The following MYRFL variants were observed in gnomAD, a reference collection of about 807,000 sequenced individuals.
The protein encoded by MYRFL is myelin regulatory factor-like protein.
A neutral mutation model predicts 109.4 loss-of-function variants in MYRFL; 88 were observed. The ratio of observed to expected loss-of-function variants is 0.80; its 90% CI spans 0.68 to 0.96. MYRFL has a LOEUF of 0.96. Among genes scored for constraint, MYRFL ranks in the 40% least tolerant of loss-of-function variants. The pLI is 0.00. For synonymous variants in MYRFL, 324 were observed against 320.9 expected (o/e 1.01, Z -0.10); for missense variants, 957 against 954.9 (o/e 1.00, Z -0.03).
intron 2 of MYRFL, among the ~76,000 whole-genome samples, chr12:69,861,086 T>C (rs1452955900): frequency 2.0e-5 from 3 of 150,560 alleles, no homozygotes; most frequent in African/African-American, 7.3e-5. Flanking sequence ...CTCATCATTT[T>C]TTATGGCTGC....
intron 2 of MYRFL, among the ~76,000 whole-genome samples, chr12:69,869,988 T>C (rs1021261742): frequency 1.3e-5 from 2 of 152,040 alleles, no homozygotes; most frequent in Non-Finnish European, 2.9e-5. Context: ...AGATTGTTTC[T>C]CCGTTCATCC....
At chr12:69,909,242 A>G (rs779612167) in intron 11 of MYRFL, among the ~76,000 whole-genome samples, 5 of 152,250 alleles carry the variant, frequency 3.3e-5, no homozygotes, top group Admixed American at 1.3e-4. Context: ...CCAAGCTACC[A>G]TCTTTCACAA....
chr12:69,894,909 T>A (rs1397968539), intron 8 of MYRFL, among the ~76,000 whole-genome samples: 1 of 152,186 alleles, frequency 6.6e-6, no homozygotes, highest in Non-Finnish European at 1.5e-5. Context: ...GGGCAGGGTG[T>A]TTGTGGCCTT....
At chr12:69,944,063 G>A (rs1456231273) in intron 19 of MYRFL, among the ~76,000 whole-genome samples, 1 of 150,548 alleles carries the variant, frequency 6.6e-6, no homozygotes, top group Admixed American at 6.6e-5. Context: ...TGGAGAAATA[G>A]GAACACTTTT....
Position 69,958,535 on chromosome 12 carries a change from G to A in MYRFL, c.*4G>A. 6.5e-7 allele frequency: 1 copy of A among 1,527,222 alleles called. No homozygotes were observed. The highest frequency in any genetic ancestry group is 1.2e-5 in the South Asian group (1 of 81,516). 94.6% of individuals were successfully genotyped at this position (1,527,222 alleles called of 1,614,324 possible). On this transcript the variant is annotated 3_prime_UTR_variant, in exon 25 of 25. Transcript: ENST00000552032. ...CTTCTATCGACGCTGTGCCTAATTT[G>A]TTCAAGTTTGGGGACTTTACCAAAG...
chr12:69,852,579 A>ATTTTTTTTTTTTTTTTTTTTTTTAT (rs61145700), intron 1 of MYRFL, among the ~76,000 whole-genome samples: 1 of 112,212 alleles, frequency 8.9e-6, no homozygotes, highest in Admixed American at 9.8e-5. Flanking sequence ...TTAATTTTTA[A>ATTTTTTTTTTTTTTTTTTTTTTTAT]TTTTTTTTTT....
chr12:69,944,951 A>G (rs1229806162), intron 19 of MYRFL, among the ~76,000 whole-genome samples: 2 of 152,168 alleles, frequency 1.3e-5, no homozygotes, highest in South Asian at 2.1e-4. Context: ...TTAAATTACC[A>G]TGATGTACAT....
At chr12:69,890,112 C>G (rs1592762815) in intron 6 of MYRFL, among the ~76,000 whole-genome samples, 1 of 152,104 alleles carries the variant, frequency 6.6e-6, no homozygotes, top group Non-Finnish European at 1.5e-5. Flanking sequence ...GGTTTCCAAT[C>G]GATTGTATAA....
In MYRFL at chr12:69,936,158, A is replaced by G; in HGVS notation, c.1962A>G (p.Gln654=). ...VALYILSLKD[Q]DRRVPNLPPS... is the part of the protein sequence containing the mutation. The stretch of plus-strand genomic sequence containing the variant: ...TCTATATACTTAGCTTAAAAGATCA[A>G]GACCGACGTGTCCCAAATCTCCCTC... Residue 654 remains glutamine, a synonymous_variant, in exon 17 of 25, where the codon CAA becomes CAG. Transcript: ENST00000552032. 1.3e-6 allele frequency: 2 copies of G among 1,531,032 alleles called. No individual in the cohort carries two copies. Among genetic ancestry groups the G allele is most frequent in the Admixed American group, 2.0e-5 (1 of 50,346 alleles). The allele number at this position is 1,531,032 out of a possible 1,614,324, so 94.8% of individuals were successfully genotyped here. A position where few individuals can be genotyped will look rare whatever the true frequency, so the allele number is the denominator to read the frequency against.
chr12:69,937,763 C>T (rs1347706864), intron 19 of MYRFL, among the ~76,000 whole-genome samples: 2 of 152,158 alleles, frequency 1.3e-5, no homozygotes, highest in Non-Finnish European at 2.9e-5. Context: ...AGAATATGGT[C>T]AGTGGTTGAA....
intron 13 of MYRFL, among the ~76,000 whole-genome samples, chr12:69,915,340 C>A (rs372301622): frequency 6.6e-6 from 1 of 152,162 alleles, no homozygotes; most frequent in African/African-American, 2.4e-5. Context: ...CCATTCTTCA[C>A]TCCATTTCTG....
In MYRFL at chr12:69,880,951, G is replaced by GTTTTTTTTTTTTTTTT. The variant is rs71094746; in HGVS notation, c.556+662_556+677dup. On this transcript the variant is annotated intron_variant, in intron 5 of 24. Transcript: ENST00000552032. Reference sequence around the variant, plus strand: ...TAATGTCCAAGCGGTCAGCCTTCCTGTTTTTTTTTTTTTTTTTTGTCTTAT... The same window carrying GTTTTTTTTTTTTTTTT: ...TAATGTCCAAGCGGTCAGCCTTCCTGTTTTTTTTTTTTTTTTTTTTTTTTTTTTTTTTTTGTCTTAT... 2.1e-3 allele frequency among the ~76,000 whole-genome samples: 238 copies of GTTTTTTTTTTTTTTTT among 112,634 alleles called. 13 individuals carry two copies. The highest frequency in any genetic ancestry group is 3.2e-3 in the Non-Finnish European group (181 of 55,770). 73.9% of individuals were successfully genotyped at this position (112,634 alleles called of 152,430 possible).
chr12:69,935,291 G>A (rs1259408322), intron 16 of MYRFL, among the ~76,000 whole-genome samples: 1 of 152,098 alleles, frequency 6.6e-6, no homozygotes, highest in African/African-American at 2.4e-5. Flanking sequence ...AGTCAAACTG[G>A]CAAGAAGTCA....
chr12:69,878,724 G>T (rs1885848881), intron 2 of MYRFL, among the ~76,000 whole-genome samples: 1 of 152,128 alleles, frequency 6.6e-6, no homozygotes, highest in African/African-American at 2.4e-5. Context: ...ATGCTGTGAG[G>T]TAGATGTAAT....
At chr12:69,852,835 T>C (rs1463928505) in intron 1 of MYRFL, among the ~76,000 whole-genome samples, 1 of 152,024 alleles carries the variant, frequency 6.6e-6, no homozygotes, top group Non-Finnish European at 1.5e-5. Context: ...AAAGCACATC[T>C]TGCACCGCCC....
chr12:69,863,891 A>G (rs904186918), intron 2 of MYRFL, among the ~76,000 whole-genome samples: 1 of 152,128 alleles, frequency 6.6e-6, no homozygotes, highest in Admixed American at 6.5e-5. Context: ...TTTCAACTTC[A>G]TTTTTAAAAG....
chr12:69,928,879 A>G (rs1009018586), intron 15 of MYRFL, among the ~76,000 whole-genome samples: 1 of 152,234 alleles, frequency 6.6e-6, no homozygotes, highest in Non-Finnish European at 1.5e-5. Flanking sequence ...AGGGAATGGT[A>G]TCCACATCTA....
intron 13 of MYRFL, among the ~76,000 whole-genome samples, chr12:69,915,587 C>A (rs536870519): frequency 6.6e-6 from 1 of 152,184 alleles, no homozygotes; most frequent in Non-Finnish European, 1.5e-5. Context: ...TTTTCTTTCT[C>A]CCTTCTCAGG....
chr12:69,880,286 A>C lies in MYRFL; in HGVS notation c.550A>C (p.Arg184=), dbSNP rs17813773. Residue 184 remains arginine, a synonymous_variant, in exon 5 of 25, where the codon AGA becomes CGA. Coordinates refer to ENST00000552032, the MANE Select transcript of MYRFL (RefSeq NM_182530.3). The part of the protein sequence containing the change: ...GECRVWACHC[R]PMTSRSRSSE... The stretch of plus-strand genomic sequence containing the variant: ...ATGCCGAGTGTGGGCCTGCCACTGC[A>C]GACCGAGTGAGCAAACCTGGGTGGG... 1 of 702,370 alleles carries C rather than the reference A, an allele frequency of 1.4e-6. No individual in the cohort carries two copies. The highest frequency in any genetic ancestry group is 2.6e-6 in the Non-Finnish European group (1 of 384,680). 43.5% of individuals were successfully genotyped at this position (702,370 alleles called of 1,614,324 possible).
Sources: allele counts gnomAD v4.1 joint callset (sites outside exome capture counted in the v4.1 genomes callset), GRCh38; gene constraint gnomAD v4.1.1; transcripts MANE v1.5; gene names NCBI Gene and HGNC (gene_info 2026-07-23, HGNC 2026-07-21).